The following ZBTB20 variants were observed in gnomAD, a reference collection of about 807,000 sequenced individuals.
The protein encoded by ZBTB20 is zinc finger and BTB domain-containing protein 20.
ZBTB20 carries 9 observed loss-of-function variants against 56.9 expected under a neutral mutation model. That is an observed-to-expected ratio of 0.16 (90% CI 0.10 to 0.28). The LOEUF is 0.28. ZBTB20 is among the 10% of genes least tolerant of loss of function. The pLI, the probability that ZBTB20 is intolerant of heterozygous loss-of-function variation, is 1.00. For missense variants in ZBTB20, 655 were observed against 1,003.0 expected, an observed-to-expected ratio of 0.65 and a Z score of 4.69; for synonymous variants, 417 against 420.7, an observed-to-expected ratio of 0.99 and a Z score of 0.11.
chr3:114,892,784 A>T (rs1313311242), intron 4 of ZBTB20, among the ~76,000 whole-genome samples: 2 of 152,226 alleles, frequency 1.3e-5, no homozygotes, highest in Admixed American at 6.5e-5. Flanking sequence ...ATAGGTTGCA[A>T]GGAGACTTTG....
intron 8 of ZBTB20, chr3:114,387,133 T>C (rs973903264): frequency 2.2e-5 from 3 of 138,950 alleles, no homozygotes; most frequent in African/African-American, 8.2e-5. Context: ...GCAGGGCCAC[T>C]GAGCATTATT....
chr3:114,919,320 C>T (rs534980359), intron 3 of ZBTB20, among the ~76,000 whole-genome samples: 3 of 152,002 alleles, frequency 2.0e-5, no homozygotes, highest in African/African-American at 7.3e-5. Flanking sequence ...CAGGAAAAAA[C>T]CTCTAGTAGA....
intron 6 of ZBTB20, among the ~76,000 whole-genome samples, chr3:114,565,998 T>A (rs1039635968): frequency 2.1e-5 from 3 of 145,098 alleles, no homozygotes; most frequent in African/African-American, 8.1e-5. Context: ...AATACATACA[T>A]TTTTTCTTTT....
intron 1 of ZBTB20, among the ~76,000 whole-genome samples, chr3:115,143,167 T>C (rs2084866289): frequency 6.6e-6 from 1 of 152,218 alleles, no homozygotes; most frequent in Non-Finnish European, 1.5e-5. Context: ...CCAGGATTTT[T>C]ACACCTACAG....
intron 3 of ZBTB20, among the ~76,000 whole-genome samples, chr3:114,921,000 TC>T (rs2075936675): frequency 2.0e-5 from 3 of 152,218 alleles, no homozygotes; most frequent in Admixed American, 2.0e-4. Flanking sequence ...AAAAATAAGT[TC>T]CTAGAAACAT....
intron 7 of ZBTB20, among the ~76,000 whole-genome samples, chr3:114,491,537 T>C (rs2042753133): frequency 6.6e-6 from 1 of 152,170 alleles, no homozygotes; most frequent in Non-Finnish European, 1.5e-5. Context: ...TCCTTTCCTT[T>C]ACTCCTCCTT....
chr3:115,122,230 T>C (rs368243383), intron 1 of ZBTB20, among the ~76,000 whole-genome samples: 1 of 151,884 alleles, frequency 6.6e-6, no homozygotes, highest in South Asian at 2.1e-4. Flanking sequence ...GAGAGATGAA[T>C]TTCTAATGGG....
intron 4 of ZBTB20, among the ~76,000 whole-genome samples, chr3:114,891,595 A>G (rs1030540517): frequency 2.0e-5 from 3 of 152,248 alleles, no homozygotes; most frequent in African/African-American, 7.2e-5. Context: ...ACTTTGTAAC[A>G]TAAGCTATAA....
At chr3:114,399,183 G>C (rs1473196114) in intron 7 of ZBTB20, among the ~76,000 whole-genome samples, 1 of 152,108 alleles carries the variant, frequency 6.6e-6, no homozygotes. Context: ...TATTATGTGA[G>C]AGAGAAAAGT....
chr3:115,044,025 G>C (rs945705717), intron 2 of ZBTB20, among the ~76,000 whole-genome samples: 54 of 152,130 alleles, frequency 3.5e-4, no homozygotes, highest in African/African-American at 1.2e-3. Context: ...GCCATGTGAA[G>C]TACCTGCTCC....
At chr3:115,070,511 A>G (rs1017253956) in intron 2 of ZBTB20, among the ~76,000 whole-genome samples, 1 of 152,136 alleles carries the variant, frequency 6.6e-6, no homozygotes, top group Non-Finnish European at 1.5e-5. Flanking sequence ...CCTAAGAGGG[A>G]GTCTACTGTA....
chr3:114,803,871 T>C (rs901149817), intron 4 of ZBTB20, among the ~76,000 whole-genome samples: 11 of 151,576 alleles, frequency 7.3e-5, no homozygotes, highest in African/African-American at 2.2e-4. Context: ...ATAAGAAAAC[T>C]TGTTTCTCAC....
intron 2 of ZBTB20, among the ~76,000 whole-genome samples, chr3:115,055,926 T>C (rs1252061929): frequency 6.6e-6 from 1 of 152,126 alleles, no homozygotes; most frequent in African/African-American, 2.4e-5. Flanking sequence ...AAAATGTTCC[T>C]TGGCATAATC....
At chr3:114,882,999 C>T (rs1241748073) in intron 4 of ZBTB20, among the ~76,000 whole-genome samples, 1 of 152,164 alleles carries the variant, frequency 6.6e-6, no homozygotes, top group Non-Finnish European at 1.5e-5. Flanking sequence ...TCTAGTCCCA[C>T]AGTAAATCAT....
rs1330268660 is a variant in ZBTB20, at chr3:115,045,761, C to A, written c.-507+25458G>T. Among the ~76,000 whole-genome samples the A allele has an allele frequency of 2.6e-5, 4 of 152,118 alleles. No individual in the cohort carries two copies. The East Asian group carries it at 5.8e-4, about 22-fold the overall frequency. ...AAAATATTTTCAGAATAGATTATTTCTTTCATTATACTACTGACATATTCT... is the reference window on the plus strand; with the variant it reads ...AAAATATTTTCAGAATAGATTATTTATTTCATTATACTACTGACATATTCT... On this transcript the variant is annotated intron_variant, in intron 2 of 11. Transcript: ENST00000675478.
intron 5 of ZBTB20, among the ~76,000 whole-genome samples, chr3:114,764,531 A>G (rs753185363): frequency 3.9e-5 from 6 of 152,174 alleles, no homozygotes; most frequent in Non-Finnish European, 5.9e-5. Context: ...TTACCCACTC[A>G]CAACATTTGA....
chr3:114,552,945 A>G (rs964527981), intron 6 of ZBTB20, among the ~76,000 whole-genome samples: 1 of 152,216 alleles, frequency 6.6e-6, no homozygotes, highest in African/African-American at 2.4e-5. Flanking sequence ...TGCACAAAAA[A>G]TAAGTCCAAG....
At chr3:114,602,035 C>T (rs902563570) in intron 6 of ZBTB20, among the ~76,000 whole-genome samples, 1 of 151,966 alleles carries the variant, frequency 6.6e-6, no homozygotes, top group Non-Finnish European at 1.5e-5. Context: ...TACGTTAGAT[C>T]AGTGGTAGAG....
intron 6 of ZBTB20, among the ~76,000 whole-genome samples, chr3:114,620,649 A>T (rs893717376): frequency 6.6e-6 from 1 of 152,208 alleles, no homozygotes; most frequent in Non-Finnish European, 1.5e-5. Context: ...ACATGTAGAT[A>T]TCCATTCATT....
Sources: allele counts gnomAD v4.1 joint callset (sites outside exome capture counted in the v4.1 genomes callset), GRCh38; gene constraint gnomAD v4.1.1; transcripts MANE v1.5; gene names NCBI Gene and HGNC (gene_info 2026-07-23, HGNC 2026-07-21).